The following SORCS3 variants were observed in gnomAD, a reference collection of about 807,000 sequenced individuals.
The protein encoded by SORCS3 is VPS10 domain-containing receptor SorCS3.
In SORCS3, 57 loss-of-function variants were observed where a neutral mutation model predicts 146.3. The observed-to-expected ratio is 0.39, with a 90% CI of 0.31 to 0.49. SORCS3 has a LOEUF of 0.49. SORCS3 is among the 20% of genes least tolerant of loss of function. SORCS3 has a pLI of 0.92. For synonymous variants in SORCS3, 653 were observed against 618.5 expected (o/e 1.06, Z -0.83); for missense variants, 1,341 against 1,575.5 (o/e 0.85, Z 2.52).
intron 1 of SORCS3, among the ~76,000 whole-genome samples, chr10:104,686,691 C>G (rs1299254346): frequency 3.3e-5 from 5 of 152,114 alleles, no homozygotes; most frequent in African/African-American, 4.8e-5. Flanking sequence ...ATCCTTCCCT[C>G]TTCCCTCCTT....
chr10:104,657,740 G>T (rs953738485), intron 1 of SORCS3, among the ~76,000 whole-genome samples: 3 of 152,146 alleles, frequency 2.0e-5, no homozygotes, highest in Admixed American at 6.5e-5. Context: ...GTGTATTCTT[G>T]TTGGAGTTGA....
intron 1 of SORCS3, among the ~76,000 whole-genome samples, chr10:104,711,856 G>A (rs749921263): frequency 3.3e-5 from 5 of 152,138 alleles, no homozygotes; most frequent in African/African-American, 7.2e-5. Flanking sequence ...TGTGAGTTCT[G>A]TGCCTGGAGG....
chr10:104,938,396 C>T (rs2019280531), intron 3 of SORCS3, among the ~76,000 whole-genome samples: 1 of 152,222 alleles, frequency 6.6e-6, no homozygotes, highest in Admixed American at 6.5e-5. Flanking sequence ...CCAAACTCCA[C>T]AGCATGGGGT....
intron 11 of SORCS3, among the ~76,000 whole-genome samples, chr10:105,159,370 G>A (rs2056242480): frequency 3.9e-5 from 6 of 152,152 alleles, no homozygotes; most frequent in Admixed American, 3.9e-4. Flanking sequence ...TTTTCTCTTT[G>A]AACAGATGAT....
chr10:105,229,729 G>C (rs532595287), intron 20 of SORCS3, among the ~76,000 whole-genome samples: 1 of 152,288 alleles, frequency 6.6e-6, no homozygotes, highest in South Asian at 2.1e-4. Flanking sequence ...CCAGGGTCTG[G>C]GGTCCTAGGG....
intron 4 of SORCS3, among the ~76,000 whole-genome samples, chr10:104,990,309 C>A (rs749309942): frequency 1.3e-5 from 2 of 152,196 alleles, no homozygotes; most frequent in East Asian, 3.8e-4. Flanking sequence ...CTTCGTAGCA[C>A]CACATATTGA....
chr10:104,924,266 C>T (rs772083319), intron 3 of SORCS3, among the ~76,000 whole-genome samples: 8 of 152,150 alleles, frequency 5.3e-5, no homozygotes, highest in Non-Finnish European at 8.8e-5. Context: ...AGAGCTGGGG[C>T]GGGAGCAGTT....
rs575636296 is a variant in SORCS3 at position 104,702,319 on chromosome 10, T to C, written c.627+60365T>C. Among the ~76,000 whole-genome samples, 96 of 152,344 alleles carry C rather than the reference T, an allele frequency of 6.3e-4. 3 individuals are homozygous for C. The highest frequency in any genetic ancestry group is 1.4e-3 in the South Asian group (7 of 4,828). ...TACTTTTTGAGACCTAGTCTCTCTTTGTCGCCCAGGCTGCAGTTCAGTGGC... is the reference window on the plus strand; with the variant it reads ...TACTTTTTGAGACCTAGTCTCTCTTCGTCGCCCAGGCTGCAGTTCAGTGGC... On this transcript the variant is annotated intron_variant, in intron 1 of 26. Coordinates refer to ENST00000369701, the MANE Select transcript of SORCS3 (RefSeq NM_014978.3).
chr10:104,835,326 C>T (rs2018054437), intron 1 of SORCS3, among the ~76,000 whole-genome samples: 1 of 152,250 alleles, frequency 6.6e-6, no homozygotes, highest in Non-Finnish European at 1.5e-5. Context: ...GTCTACCACT[C>T]CTGGTAAAGA....
intron 7 of SORCS3, among the ~76,000 whole-genome samples, chr10:105,107,814 T>C (rs1173177886): frequency 1.3e-5 from 2 of 152,192 alleles, no homozygotes; most frequent in Non-Finnish European, 2.9e-5. Flanking sequence ...TAAAGAGTAA[T>C]GGTTAAGAAC....
chr10:104,939,465 G>T (rs1173528230), intron 3 of SORCS3, among the ~76,000 whole-genome samples: 2 of 152,172 alleles, frequency 1.3e-5, no homozygotes, highest in African/African-American at 4.8e-5. Flanking sequence ...ATCAAAGCAG[G>T]TGTACTCTCT....
intron 1 of SORCS3, among the ~76,000 whole-genome samples, chr10:104,836,951 C>G (rs74685766): frequency 0.01 from 1,560 of 152,292 alleles, 13 homozygotes; most frequent in African/African-American, 0.026. Context: ...CTACCATGCT[C>G]TAAGACCCAG....
rs755944785 is a variant in SORCS3, at chr10:105,211,176, C to T, written c.2301C>T (p.Val767=). Residue 767 remains valine (V), a synonymous_variant, in exon 17 of 27, where the codon GTC becomes GTT. Coordinates refer to ENST00000369701, the MANE Select transcript of SORCS3 (RefSeq NM_014978.3). Reference sequence around the variant, plus strand: ...AGAGACATGGGGAGAGCCAGTGTGTCCCAGCTTTCTGGTACAATCCAGCAT... The same window carrying T: ...AGAGACATGGGGAGAGCCAGTGTGTTCCAGCTTTCTGGTACAATCCAGCAT... The part of the protein sequence containing the change: ...GYERHGESQC[V]PAFWYNPASP... 5 of 1,614,006 alleles carry T rather than the reference C, an allele frequency of 3.1e-6. No homozygotes were observed. In the South Asian group the frequency reaches 3.3e-5, roughly 11 times the overall value.
chr10:105,025,393 T>A (rs2133691582), intron 4 of SORCS3, among the ~76,000 whole-genome samples: 1 of 152,300 alleles, frequency 6.6e-6, no homozygotes, highest in East Asian at 1.9e-4. Flanking sequence ...ACATTTACGG[T>A]GGCTATGGGC....
chr10:105,037,003 C>T (rs1392954063), intron 4 of SORCS3, among the ~76,000 whole-genome samples: 3 of 152,106 alleles, frequency 2.0e-5, no homozygotes, highest in Non-Finnish European at 4.4e-5. Context: ...GGGGAGATAC[C>T]TTGGCTTAAG....
At chr10:104,684,769 A>G in intron 1 of SORCS3, among the ~76,000 whole-genome samples, 1 of 138,750 alleles carries the variant, frequency 7.2e-6, no homozygotes, top group Admixed American at 7.4e-5. Context: ...TTGGTTGGAA[A>G]GTCCTCAGTG....
At chr10:105,183,430 A>T (rs2056455066) in intron 14 of SORCS3, among the ~76,000 whole-genome samples, 1 of 152,030 alleles carries the variant, frequency 6.6e-6, no homozygotes, top group Non-Finnish European at 1.5e-5. Context: ...CCTAGCAGGG[A>T]TCATTCTTTT....
chr10:104,901,596 C>T (rs530909214), intron 2 of SORCS3, among the ~76,000 whole-genome samples: 1 of 152,294 alleles, frequency 6.6e-6, no homozygotes, highest in Admixed American at 6.5e-5. Context: ...AAACCTTCCC[C>T]TCACCTACAG....
intron 1 of SORCS3, among the ~76,000 whole-genome samples, chr10:104,828,075 C>T (rs2017958490): frequency 6.6e-6 from 1 of 152,096 alleles, no homozygotes; most frequent in African/African-American, 2.4e-5. Flanking sequence ...AGCAATAAGG[C>T]TGTTTTTCTT....
Sources: allele counts gnomAD v4.1 joint callset (sites outside exome capture counted in the v4.1 genomes callset), GRCh38; gene constraint gnomAD v4.1.1; transcripts MANE v1.5; gene names NCBI Gene and HGNC (gene_info 2026-07-23, HGNC 2026-07-21).